Variants in MORC1 observed in about 807,000 individuals in gnomAD.
MORC1 encodes the protein MORC family CW-type zinc finger protein 1.
MORC1 carries 59 observed loss-of-function variants against 134.9 expected under a neutral mutation model. The observed-to-expected ratio is 0.44, with a 90% CI of 0.35 to 0.54. The LOEUF (loss-of-function observed/expected upper bound fraction) is 0.54. Ranked by LOEUF, MORC1 falls within the 20% of genes least tolerant of loss-of-function variation. The pLI is 0.00. For missense variants in MORC1, 947 were observed against 1,134.5 expected, an observed-to-expected ratio of 0.83 and a Z score of 2.37; for synonymous variants, 395 against 391.7, an observed-to-expected ratio of 1.01 and a Z score of -0.10.
chr3:109,061,498 ATTC>A (rs1950083213), intron 11 of MORC1, among the ~76,000 whole-genome samples: 1 of 152,188 alleles, frequency 6.6e-6, no homozygotes, highest in Non-Finnish European at 1.5e-5. Context: ...AGCTGGAAGC[ATTC>A]TTATTAATAT....
rs1950764906 is a variant in MORC1, at chr3:109,093,292, T to C, written c.689+144A>G. On this transcript the variant is annotated intron_variant, in intron 8 of 27. Coordinates refer to ENST00000232603, the MANE Select transcript of MORC1 (RefSeq NM_014429.4). ...GCTTAAAGTTTGGAAACCACTGACC[T>C]AGCCCAACTTTACTAGTAACTAGGG... 4.9e-6 allele frequency: 3 copies of C among 606,506 alleles called. No individual in the cohort carries two copies. The Admixed American group carries it at 8.9e-5, about 18-fold the overall frequency. 37.6% of individuals were successfully genotyped at this position (606,506 alleles called of 1,614,324 possible).
At chr3:109,055,007 T>A in intron 13 of MORC1, 125 bp from the exon 14 acceptor site, 1 of 866,202 alleles carries the variant, frequency 1.2e-6, no homozygotes, top group South Asian at 1.8e-5. Context: ...CTGGACCATG[T>A]CAAAGTTTAA....
chr3:109,013,004 T>C (rs1285630759), intron 17 of MORC1, among the ~76,000 whole-genome samples: 1 of 152,204 alleles, frequency 6.6e-6, no homozygotes, highest in Non-Finnish European at 1.5e-5. Flanking sequence ...GAACATTGAT[T>C]CTTTCACTAA....
rs1183976014 is a variant in MORC1, at chr3:108,981,970, A to G, written c.2325-2303T>C. On this transcript the variant is annotated intron_variant, in intron 23 of 27. Transcript: ENST00000232603. ...AAACTACCATCAGAGTGAACAGGCA[A>G]CCTACAGAATGGGAGAAAATTTTTG... 2.0e-5 allele frequency among the ~76,000 whole-genome samples: 3 copies of G among 152,218 alleles called. No homozygotes were observed. The East Asian group carries it at 5.8e-4, about 29-fold the overall frequency.
intron 9 of MORC1, among the ~76,000 whole-genome samples, chr3:109,065,113 C>T (rs34499794): frequency 0.12 from 18,116 of 152,174 alleles, 1,157 homozygotes; most frequent in Non-Finnish European, 0.14. Context: ...TCCTAGAATA[C>T]AGTAATAGTA....
intron 3 of MORC1, among the ~76,000 whole-genome samples, chr3:109,104,890 C>CAT (rs1950996289): frequency 6.6e-6 from 1 of 151,588 alleles, no homozygotes; most frequent in East Asian, 1.9e-4. Context: ...CACACACACA[C>CAT]ACGTATGAAA....
chr3:108,977,740 A>G (rs779662681), intron 24 of MORC1, among the ~76,000 whole-genome samples: 3 of 152,196 alleles, frequency 2.0e-5, no homozygotes, highest in Non-Finnish European at 4.4e-5. Flanking sequence ...CAGCAATCCA[A>G]CTTCAAAGCT....
chr3:109,102,375 G>A (rs897104271), intron 4 of MORC1, among the ~76,000 whole-genome samples: 1 of 152,034 alleles, frequency 6.6e-6, no homozygotes, highest in South Asian at 2.1e-4. Context: ...TTTTCAGCAG[G>A]AAAATGATAT....
intron 14 of MORC1, among the ~76,000 whole-genome samples, chr3:109,046,418 C>A (rs1282985747): frequency 6.6e-6 from 1 of 152,132 alleles, no homozygotes; most frequent in African/African-American, 2.4e-5. Context: ...TGGATATATT[C>A]CAGTTTCCCT....
At chr3:108,963,365 C>T (rs774428006) in intron 27 of MORC1, 49 bp downstream of exon 27, 48 of 1,481,984 alleles carry the variant, frequency 3.2e-5, no homozygotes, top group East Asian at 4.5e-5. Flanking sequence ...GCTGAGTTCT[C>T]GTTCCATAGA....
intron 8 of MORC1, among the ~76,000 whole-genome samples, chr3:109,072,129 G>T (rs1227948965): frequency 1.3e-5 from 2 of 152,118 alleles, no homozygotes; most frequent in East Asian, 3.9e-4. Context: ...AATGGGCCAC[G>T]TCATTATAAA....
intron 21 of MORC1, among the ~76,000 whole-genome samples, 168 bp from the exon 22 acceptor site, chr3:108,987,117 G>A (rs966666721): frequency 4.6e-5 from 7 of 152,064 alleles, no homozygotes; most frequent in Non-Finnish European, 5.9e-5. Context: ...TGTACAAAAC[G>A]ATAATCGCAT....
intron 15 of MORC1, among the ~76,000 whole-genome samples, chr3:109,034,147 C>T (rs1358319587): frequency 2.6e-5 from 4 of 152,142 alleles, no homozygotes; most frequent in Non-Finnish European, 5.9e-5. Flanking sequence ...CAATAGTCTC[C>T]TGTTCTAGCC....
At chr3:109,051,738 G>A (rs1000570996) in intron 14 of MORC1, among the ~76,000 whole-genome samples, 1 of 152,046 alleles carries the variant, frequency 6.6e-6, no homozygotes, top group Non-Finnish European at 1.5e-5. Context: ...CTGTTGAAAA[G>A]GTTAAGAAAC....
intron 8 of MORC1, among the ~76,000 whole-genome samples, chr3:109,089,916 A>G (rs773283042): frequency 2.0e-5 from 3 of 152,072 alleles, no homozygotes; most frequent in Admixed American, 1.3e-4. Context: ...ACGGCGACAT[A>G]TAAATTTAAG....
At chr3:109,097,023 C>A (rs1373308991) in intron 6 of MORC1, among the ~76,000 whole-genome samples, 1 of 152,062 alleles carries the variant, frequency 6.6e-6, no homozygotes, top group Non-Finnish European at 1.5e-5. Context: ...TCAGCTATTA[C>A]AAGAAACTAT....
At chr3:109,086,264 G>A (rs573276985) in intron 8 of MORC1, among the ~76,000 whole-genome samples, 248 of 152,066 alleles carry the variant, frequency 1.6e-3, no homozygotes, top group Non-Finnish European at 3.0e-3. Context: ...ATAAAGAAAA[G>A]AAATATTTAA....
chr3:109,049,195 C>T lies in MORC1; in HGVS notation c.1330+5533G>A, dbSNP rs1489844201. The T allele has an allele frequency of 3.1e-6, 3 of 980,196 alleles. No individual in the cohort carries two copies. In the African/African-American group the frequency reaches 5.3e-5, roughly 17 times the overall value. 60.7% of individuals were successfully genotyped at this position (980,196 alleles called of 1,614,324 possible). A position where few individuals can be genotyped will look rare whatever the true frequency, so the allele number is the denominator to read the frequency against. On this transcript the variant is annotated intron_variant, in intron 14 of 27. Transcript: ENST00000232603. ...TAGTCCCTTTCTGAGATCTTAGAGA[C>T]TAAATTGCATCATATGGAAAACAAA...
intron 17 of MORC1, among the ~76,000 whole-genome samples, chr3:109,025,201 GTAATT>G (rs1949044734): frequency 1.3e-5 from 2 of 152,064 alleles, no homozygotes; most frequent in African/African-American, 4.8e-5. Flanking sequence ...AGCTTAACAT[GTAATT>G]TAAGTGACTG....
Sources: gnomAD v4.1 joint callset for allele counts (sites outside exome capture counted in the v4.1 genomes callset) on GRCh38, gnomAD v4.1.1 for gene constraint, MANE v1.5 for transcripts, NCBI Gene and HGNC (gene_info 2026-07-23, HGNC 2026-07-21) for gene names.